The following FGGY variants were observed in gnomAD, a reference collection of about 807,000 sequenced individuals.
FGGY encodes the protein FGGY carbohydrate kinase domain-containing protein.
FGGY carries 72 observed loss-of-function variants against 71.3 expected under a neutral mutation model. The observed-to-expected ratio is 1.01, with a 90% CI of 0.84 to 1.23. The LOEUF is 1.23. FGGY is among the 50% of genes most tolerant of loss of function. The probability of loss-of-function intolerance (pLI) is 0.00; values close to 1 mark genes in which losing one functional copy is unlikely to be tolerated. For synonymous variants in FGGY, 251 were observed against 250.3 expected (o/e 1.00, Z -0.02); for missense variants, 668 against 682.3 (o/e 0.98, Z 0.23).
intron 2 of FGGY, among the ~76,000 whole-genome samples, chr1:59,336,839 C>G (rs772899683): frequency 6.6e-6 from 1 of 151,850 alleles, no homozygotes; most frequent in South Asian, 2.1e-4. Context: ...TTCCATTTTA[C>G]GAGTGTGACA....
At chr1:59,571,845 A>G (rs1344678723) in intron 8 of FGGY, among the ~76,000 whole-genome samples, 2 of 152,202 alleles carry the variant, frequency 1.3e-5, no homozygotes, top group Non-Finnish European at 2.9e-5. Flanking sequence ...CATGAAAGAG[A>G]TACATACAGA....
chr1:59,386,443 G>A (rs748840886), intron 5 of FGGY, among the ~76,000 whole-genome samples: 10 of 152,032 alleles, frequency 6.6e-5, no homozygotes, highest in Non-Finnish European at 8.8e-5. Flanking sequence ...CCTATCAAGC[G>A]AACACACTCT....
At chr1:59,463,498 T>C (rs533984992) in intron 6 of FGGY, among the ~76,000 whole-genome samples, 3 of 152,220 alleles carry the variant, frequency 2.0e-5, no homozygotes, top group African/African-American at 7.2e-5. Context: ...CAGGATCAAA[T>C]TCACACATAA....
intron 5 of FGGY, among the ~76,000 whole-genome samples, chr1:59,422,448 A>T (rs180948120): frequency 6.6e-6 from 1 of 152,112 alleles, no homozygotes; most frequent in African/African-American, 2.4e-5. Context: ...AGTCCCAGCA[A>T]CTTTGGGAGG....
chr1:59,608,351 C>CAGCTTCTCCATG (rs1408074493), intron 9 of FGGY, among the ~76,000 whole-genome samples: 1 of 152,202 alleles, frequency 6.6e-6, no homozygotes, highest in African/African-American at 2.4e-5. Context: ...GCTCTCCTCA[C>CAGCTTCTCCATG]AGCTTCTCCA....
intron 7 of FGGY, among the ~76,000 whole-genome samples, chr1:59,533,312 A>G (rs2095212291): frequency 1.3e-5 from 2 of 152,174 alleles, no homozygotes; most frequent in Non-Finnish European, 1.5e-5. Flanking sequence ...AAAAAACAGC[A>G]CACCAGATTA....
intron 14 of FGGY, among the ~76,000 whole-genome samples, chr1:59,682,338 T>C (rs952538768): frequency 6.6e-6 from 1 of 152,018 alleles, no homozygotes. Flanking sequence ...GACAAGAATT[T>C]AAATGTATAT....
At chr1:59,377,611 T>C (rs757091738) in intron 4 of FGGY, among the ~76,000 whole-genome samples, 1 of 152,132 alleles carries the variant, frequency 6.6e-6, no homozygotes, top group Non-Finnish European at 1.5e-5. Context: ...AGCCAAACCA[T>C]ATCAACATTA....
intron 13 of FGGY, among the ~76,000 whole-genome samples, chr1:59,672,850 C>G (rs2097394727): frequency 6.6e-6 from 1 of 152,212 alleles, no homozygotes; most frequent in Non-Finnish European, 1.5e-5. Flanking sequence ...GCAGACTAAT[C>G]TATACATTAT....
rs557958759 is a variant in FGGY at position 59,462,691 on chromosome 1, A to G, written c.670+5615A>G. 5.2e-5 allele frequency among the ~76,000 whole-genome samples: 8 copies of G among 152,384 alleles called. No individual in the cohort carries two copies. In the East Asian group the frequency reaches 1.5e-3, roughly 29 times the overall value. ...TCAAAAGAAGACATTTATGCAGCCA[A>G]AACACACATGAAAAAATGCTCATCA... On this transcript the variant is annotated intron_variant, in intron 6 of 15. Transcript: ENST00000303721.
intron 8 of FGGY, among the ~76,000 whole-genome samples, chr1:59,582,653 GGT>G (rs1308873237): frequency 6.8e-6 from 1 of 147,666 alleles, no homozygotes; most frequent in Non-Finnish European, 1.5e-5. Flanking sequence ...TAGATTAGGT[GGT>G]GTATCTATGT....
At chr1:59,492,822 A>C (rs1043337054) in intron 6 of FGGY, among the ~76,000 whole-genome samples, 6 of 151,978 alleles carry the variant, frequency 3.9e-5, no homozygotes, top group African/African-American at 1.2e-4. Context: ...CTTTACTCTC[A>C]CTTCTAGAGA....
At chr1:59,554,978 C>T (rs1031090582) in intron 8 of FGGY, among the ~76,000 whole-genome samples, 7 of 152,060 alleles carry the variant, frequency 4.6e-5, no homozygotes, top group South Asian at 2.1e-4. Context: ...GAGATTAGAG[C>T]GGGACACAGC....
At chr1:59,446,039 G>A (rs538723865) in intron 5 of FGGY, among the ~76,000 whole-genome samples, 1 of 152,272 alleles carries the variant, frequency 6.6e-6, no homozygotes, top group East Asian at 1.9e-4. Flanking sequence ...GTGATATTCA[G>A]TAACCCACAT....
intron 5 of FGGY, among the ~76,000 whole-genome samples, chr1:59,427,565 A>G (rs767776084): frequency 2.0e-5 from 3 of 152,360 alleles, no homozygotes; most frequent in African/African-American, 7.2e-5. Context: ...AGAGTTCTCC[A>G]GGAACATCTG....
intron 14 of FGGY, among the ~76,000 whole-genome samples, chr1:59,686,784 G>C (rs920582486): frequency 2.0e-5 from 3 of 152,080 alleles, no homozygotes; most frequent in African/African-American, 7.2e-5. Context: ...CTGTGCACTA[G>C]ATTAGTCCCT....
chr1:59,550,575 C>G (rs1241108506), intron 7 of FGGY, among the ~76,000 whole-genome samples: 2 of 152,144 alleles, frequency 1.3e-5, no homozygotes, highest in African/African-American at 2.4e-5. Context: ...AGGAGAAGCA[C>G]TGTGTATATA....
At chr1:59,638,153 A>AT in intron 10 of FGGY, 75 bp from the exon 11 acceptor site, 1 of 1,448,676 alleles carries the variant, frequency 6.9e-7, no homozygotes, top group Non-Finnish European at 9.4e-7. Flanking sequence ...GGAAGTACAA[A>AT]TGGTTTCTTT....
chr1:59,422,255 A>G (rs1195330681), intron 5 of FGGY, among the ~76,000 whole-genome samples: 2 of 152,224 alleles, frequency 1.3e-5, no homozygotes, highest in African/African-American at 2.4e-5. Flanking sequence ...TCATGTTCCA[A>G]TAGTTTGGTG....
Sources: allele counts gnomAD v4.1 joint callset (sites outside exome capture counted in the v4.1 genomes callset), GRCh38; gene constraint gnomAD v4.1.1; transcripts MANE v1.5; gene names NCBI Gene and HGNC (gene_info 2026-07-23, HGNC 2026-07-21).